Variants in RGS7BP observed in about 807,000 individuals in gnomAD.
The protein encoded by RGS7BP is regulator of G protein signaling 7-binding protein.
A neutral mutation model predicts 31.3 loss-of-function variants in RGS7BP; 9 were observed. The observed-to-expected ratio is 0.29, with a 90% CI of 0.17 to 0.50. The LOEUF (loss-of-function observed/expected upper bound fraction) is 0.50, where lower values mean the gene tolerates loss of function less well. Ranked by LOEUF, RGS7BP falls within the 20% of genes least tolerant of loss-of-function variation. RGS7BP has a pLI of 0.98. For synonymous variants in RGS7BP, 115 were observed against 120.1 expected (o/e 0.96, Z 0.28); for missense variants, 274 against 322.0 (o/e 0.85, Z 1.14).
At chr5:64,596,825 T>G (rs1743082354) in intron 4 of RGS7BP, among the ~76,000 whole-genome samples, 1 of 152,114 alleles carries the variant, frequency 6.6e-6, no homozygotes, top group Non-Finnish European at 1.5e-5. Flanking sequence ...GAAAAGGAGC[T>G]CCCATGAGGT....
intron 2 of RGS7BP, among the ~76,000 whole-genome samples, chr5:64,511,092 G>A (rs1179974956): frequency 6.6e-6 from 1 of 152,182 alleles, no homozygotes; most frequent in Non-Finnish European, 1.5e-5. Context: ...GAAAAACAAG[G>A]AGTTAGCATT....
At chr5:64,531,742 A>G (rs1749375341) in intron 2 of RGS7BP, among the ~76,000 whole-genome samples, 1 of 152,224 alleles carries the variant, frequency 6.6e-6, no homozygotes, top group Non-Finnish European at 1.5e-5. Flanking sequence ...TTGTTTGTGC[A>G]CATGTATGGT....
intron 2 of RGS7BP, among the ~76,000 whole-genome samples, chr5:64,548,709 G>A (rs1271469076): frequency 6.6e-6 from 1 of 152,018 alleles, no homozygotes; most frequent in Non-Finnish European, 1.5e-5. Flanking sequence ...GTTTCATCAT[G>A]TTGGCCAGGC....
intron 2 of RGS7BP, among the ~76,000 whole-genome samples, chr5:64,520,146 T>A (rs1749071227): frequency 6.6e-6 from 1 of 152,214 alleles, no homozygotes; most frequent in South Asian, 2.1e-4. Context: ...CTGGTCAAGA[T>A]GTTTGGTGGA....
At position 64,598,388 on chromosome 5, in the gene RGS7BP, T is replaced by A. The variant is rs1212231347; in HGVS notation, c.635T>A (p.Leu212His). The stretch of plus-strand genomic sequence containing the variant: ...AGAGACATGAGAGAAATGAAAAACC[T>A]TTTAAGCAAACTCAGGGAAACTATG... ...TERDMREMKN[L>H]LSKLRETMPL... Residue 212 changes from leucine (L) to histidine (H), a missense_variant, in exon 5 of 6, where the codon CTT (leucine) becomes CAT (histidine). Leu to His is a moderately conservative substitution (Grantham distance 99). This residue lies in a region of RGS7BP where 112 missense variants were observed against 130.9 expected (regional missense o/e 0.86). Transcript: ENST00000334025. 7 of 1,602,158 alleles carry A rather than the reference T, an allele frequency of 4.4e-6. No individual in the cohort carries two copies. The highest frequency in any genetic ancestry group is 1.1e-5 in the South Asian group (1 of 90,804).
intron 4 of RGS7BP, among the ~76,000 whole-genome samples, chr5:64,595,670 G>A (rs909759913): frequency 1.3e-4 from 20 of 152,140 alleles, no homozygotes; most frequent in Non-Finnish European, 2.8e-4. Flanking sequence ...AATGTCCCCA[G>A]AGCTGGCACC....
Position 64,506,543 on chromosome 5 carries a change from G to T in RGS7BP, c.-82G>T. On this transcript the variant is annotated 5_prime_UTR_variant, in exon 1 of 6. Transcript: ENST00000334025. The surrounding 1 kb of genome is among the most constrained non-coding windows in gnomAD (Gnocchi z 4.6). ...CTCAGGTCCGGGCTCCGGCTGCTTG[G>T]CGGCGGCGCCCAGGGCAACAACCGG... The T allele has an allele frequency of 7.6e-7, 1 of 1,316,970 alleles. No individual in the cohort carries two copies. The highest frequency in any genetic ancestry group is 1.0e-6 in the Non-Finnish European group (1 of 958,862). 81.6% of individuals were successfully genotyped at this position (1,316,970 alleles called of 1,614,324 possible). A position where few individuals can be genotyped will look rare whatever the true frequency, so the allele number is the denominator to read the frequency against.
chr5:64,560,821 T>G (rs538283096), intron 2 of RGS7BP, among the ~76,000 whole-genome samples: 1 of 152,262 alleles, frequency 6.6e-6, no homozygotes, highest in Non-Finnish European at 1.5e-5. Flanking sequence ...ACATTCCCAG[T>G]AAAATGATAA....
intron 5 of RGS7BP, among the ~76,000 whole-genome samples, chr5:64,606,388 A>G (rs921498582): frequency 3.9e-5 from 6 of 151,978 alleles, no homozygotes; most frequent in Non-Finnish European, 7.4e-5. Flanking sequence ...CCCAAATTAG[A>G]TGTCTTTGGG....
At chr5:64,557,644 C>T (rs576833396) in intron 2 of RGS7BP, among the ~76,000 whole-genome samples, 62 of 152,266 alleles carry the variant, frequency 4.1e-4, no homozygotes, top group African/African-American at 1.3e-3. Context: ...TATCCCCTGC[C>T]TTTCCCAGTT....
intron 3 of RGS7BP, among the ~76,000 whole-genome samples, chr5:64,594,079 C>T (rs889589710): frequency 7.9e-5 from 12 of 152,096 alleles, no homozygotes; most frequent in Admixed American, 5.2e-4. Context: ...TTGCTGTGGA[C>T]GGCTACCTAC....
chr5:64,536,605 C>T (rs1741369889), intron 2 of RGS7BP, among the ~76,000 whole-genome samples: 1 of 152,158 alleles, frequency 6.6e-6, no homozygotes, highest in African/African-American at 2.4e-5. Flanking sequence ...ATTTCAGGTG[C>T]TAAAGGTATT....
rs1743487828 is a variant in RGS7BP, at chr5:64,610,993, T to C, written c.*1741T>C. 6.6e-6 allele frequency: 1 copy of C among 151,910 alleles called. No individual in the cohort carries two copies. The allele number at this position is 151,910 out of a possible 1,614,324, so 9.4% of individuals were successfully genotyped here. On this transcript the variant is annotated 3_prime_UTR_variant, in exon 6 of 6. Transcript: ENST00000334025. ...AGTAATTAATGCATGGTTATAGGTA[T>C]ACCTGGCTTCAAAAAAAAGAAGTAG...
In RGS7BP at chr5:64,579,284, G is replaced by A. The variant is rs376161694; in HGVS notation, c.463+3380G>A. On this transcript the variant is annotated intron_variant, in intron 3 of 5. Coordinates refer to ENST00000334025, the MANE Select transcript of RGS7BP (RefSeq NM_001029875.3). ...TTGAAGGCTGGGCACGATGGCTCAT[G>A]TATGTAATCCCAGCACTATGGGAGG... Among the ~76,000 whole-genome samples the A allele has an allele frequency of 4.6e-5, 7 of 152,226 alleles. No individual in the cohort carries two copies. In the East Asian group the frequency reaches 7.7e-4, roughly 17 times the overall value.
chr5:64,533,191 A>G (rs1749417678), intron 2 of RGS7BP, among the ~76,000 whole-genome samples: 1 of 152,004 alleles, frequency 6.6e-6, no homozygotes. Flanking sequence ...TTCATCTTCC[A>G]CCTGCATTCA....
At chr5:64,524,805 C>G (rs1472927971) in intron 2 of RGS7BP, among the ~76,000 whole-genome samples, 4 of 152,148 alleles carry the variant, frequency 2.6e-5, no homozygotes, top group Admixed American at 1.3e-4. Context: ...TGTCCCTTGT[C>G]CATGCCCACT....
rs1193761434 is a variant in RGS7BP, at chr5:64,571,073, A to G, written c.333-4701A>G. Among the ~76,000 whole-genome samples the G allele has an allele frequency of 2.6e-5, 4 of 152,084 alleles. No individual in the cohort carries two copies. In the East Asian group the frequency reaches 7.7e-4, roughly 29 times the overall value. On this transcript the variant is annotated intron_variant, in intron 2 of 5. Transcript: ENST00000334025. ...ATATAGAATATCACCCTCACCCCAG[A>G]AAGTTCACTTATGCCCCTTCTCAGT...
intron 4 of RGS7BP, 93 bp downstream of exon 4, chr5:64,594,950 C>A: frequency 2.2e-6 from 3 of 1,347,760 alleles, no homozygotes; most frequent in Non-Finnish European, 1.0e-6. Context: ...AGTTCAGATT[C>A]AGAAACAGAG....
chr5:64,540,274 T>C (rs1741494348), intron 2 of RGS7BP, among the ~76,000 whole-genome samples: 1 of 152,182 alleles, frequency 6.6e-6, no homozygotes, highest in South Asian at 2.1e-4. Flanking sequence ...TGTTGTTTTG[T>C]CTACATACAT....
Sources: gnomAD v4.1 joint callset for allele counts (sites outside exome capture counted in the v4.1 genomes callset) on GRCh38, gnomAD v4.1.1 for gene constraint, gnomAD v4.1.1 regional missense constraint, Gnocchi (gnomAD v3.1) non-coding constraint, MANE v1.5 for transcripts, NCBI Gene and HGNC (gene_info 2026-07-23, HGNC 2026-07-21) for gene names.